The following GPD2 variants were observed in gnomAD, a reference collection of about 807,000 sequenced individuals.
GPD2 encodes glycerol-3-phosphate dehydrogenase, mitochondrial.
Under a neutral mutation model 82.4 loss-of-function variants are expected in GPD2, and 54 were observed. The observed-to-expected ratio is 0.66, with a 90% CI of 0.53 to 0.82. The LOEUF (loss-of-function observed/expected upper bound fraction) is 0.82. Among genes scored for constraint, GPD2 ranks in the 40% least tolerant of loss-of-function variants. The probability of loss-of-function intolerance (pLI) is 0.00; values close to 1 mark genes in which losing one functional copy is unlikely to be tolerated. For synonymous variants in GPD2, 288 were observed against 306.1 expected (o/e 0.94, Z 0.62); for missense variants, 748 against 896.2 (o/e 0.83, Z 2.11).
rs527959822 is a variant in GPD2 at position 156,539,441 on chromosome 2, A to G, written c.662-10167A>G. Among the ~76,000 whole-genome samples, 184 of 152,274 alleles carry G rather than the reference A, an allele frequency of 1.2e-3. 2 individuals carry two copies. The highest frequency in any genetic ancestry group is 5.0e-3 in the Admixed American group (76 of 15,298). The stretch of plus-strand genomic sequence containing the variant: ...AGCCTGCTTTTCATGTAAATGCCCT[A>G]GTACACATTCCTTTCAGACAATCAG... On this transcript the variant is annotated intron_variant, in intron 6 of 16. Coordinates refer to ENST00000438166, the MANE Select transcript of GPD2 (RefSeq NM_000408.5).
At chr2:156,467,640 C>A (rs298258) in intron 1 of GPD2, among the ~76,000 whole-genome samples, 48,370 of 152,060 alleles carry the variant, frequency 0.32, 9,188 homozygotes, top group Non-Finnish European at 0.44. Flanking sequence ...TTGATACATT[C>A]ACTTCTTTCC....
chr2:156,580,901 T>C (rs1224002451), intron 16 of GPD2, among the ~76,000 whole-genome samples: 1 of 152,152 alleles, frequency 6.6e-6, no homozygotes, highest in Non-Finnish European at 1.5e-5. Flanking sequence ...TTTAATGCAT[T>C]TTTTGTGTAG....
chr2:156,409,557 AGGCATGGTGGTGCATGCC>A, the GPD2 span, among the ~76,000 whole-genome samples: 1 of 151,788 alleles, frequency 6.6e-6, no homozygotes, highest in African/African-American at 2.4e-5. Flanking sequence ...AAAATTAGCC[AGGCATGGTGGTGCATGCC>A]TGTAGTCCTA....
At chr2:156,517,161 A>G (rs1407557950) in intron 6 of GPD2, among the ~76,000 whole-genome samples, 2 of 152,074 alleles carry the variant, frequency 1.3e-5, no homozygotes, top group East Asian at 1.9e-4. Context: ...TATTTTTTGT[A>G]GAGACAGGCT....
At chr2:156,435,906 C>G (rs879696798), upstream of GPD2, 2 of 152,432 alleles carry the variant, frequency 1.3e-5, no homozygotes, top group African/African-American at 2.4e-5. Context: ...AATCGGACAC[C>G]GCCACCGTCT....
At chr2:156,535,070 T>C (rs909090290) in intron 6 of GPD2, among the ~76,000 whole-genome samples, 10 of 152,024 alleles carry the variant, frequency 6.6e-5, no homozygotes, top group Admixed American at 6.6e-4. Context: ...AGCAGTTGTG[T>C]AGAGCTTGAG....
At chr2:156,409,360 G>C in the GPD2 span, among the ~76,000 whole-genome samples, 1 of 152,118 alleles carries the variant, frequency 6.6e-6, no homozygotes, top group South Asian at 2.1e-4. Context: ...CTTAATATTA[G>C]TTCTTGACAA....
At chr2:156,569,042 G>A (rs1182363848) in intron 10 of GPD2, 83 bp downstream of exon 10, 9 of 1,220,674 alleles carry the variant, frequency 7.4e-6, no homozygotes, top group Middle Eastern at 5.3e-4. Context: ...TTGCCCAGGA[G>A]GGTCTTGAAC....
upstream of GPD2, among the ~76,000 whole-genome samples, chr2:156,435,035 A>T (rs1688385815): frequency 1.3e-5 from 2 of 152,070 alleles, no homozygotes; most frequent in Admixed American, 1.3e-4. Context: ...AATGTGTCCA[A>T]GGGTGAGAAT....
intron 6 of GPD2, among the ~76,000 whole-genome samples, chr2:156,529,282 G>T (rs1346353915): frequency 6.7e-6 from 1 of 150,326 alleles, no homozygotes; most frequent in Non-Finnish European, 1.5e-5. Context: ...TTTTGATGGG[G>T]TTGTTTGTTT....
chr2:156,518,060 C>A (rs112470884), intron 6 of GPD2, among the ~76,000 whole-genome samples: 3 of 152,144 alleles, frequency 2.0e-5, no homozygotes, highest in Admixed American at 6.5e-5. Flanking sequence ...ATTGCCTTTT[C>A]CTAATGTAAA....
the GPD2 span, among the ~76,000 whole-genome samples, chr2:156,413,348 G>A: frequency 2.0e-5 from 3 of 151,956 alleles, no homozygotes; most frequent in Non-Finnish European, 2.9e-5. Context: ...TTGGGAGGCC[G>A]AGGCAGGTGG....
the GPD2 span, among the ~76,000 whole-genome samples, chr2:156,413,474 C>T: frequency 1.3e-5 from 2 of 151,852 alleles, no homozygotes; most frequent in Non-Finnish European, 1.5e-5. Context: ...GTCCCAGCTA[C>T]GTGGGAGGCT....
intron 2 of GPD2, among the ~76,000 whole-genome samples, chr2:156,488,584 T>A (rs1428669140): frequency 6.6e-6 from 1 of 152,210 alleles, no homozygotes; most frequent in Non-Finnish European, 1.5e-5. Context: ...AGATCTTGTT[T>A]TTGGTCTCAC....
intron 9 of GPD2, among the ~76,000 whole-genome samples, chr2:156,565,165 C>T (rs532279960): frequency 1.7e-3 from 256 of 152,164 alleles, no homozygotes; most frequent in Non-Finnish European, 2.5e-3. Flanking sequence ...TAAAATTAGT[C>T]AGAGAGCTTC....
At chr2:156,523,489 A>T (rs969859865) in intron 6 of GPD2, among the ~76,000 whole-genome samples, 1 of 152,200 alleles carries the variant, frequency 6.6e-6, no homozygotes, top group African/African-American at 2.4e-5. Context: ...CAATTTTAGC[A>T]CTTATAAACT....
chr2:156,422,295 T>G, the GPD2 span, among the ~76,000 whole-genome samples: 1 of 152,204 alleles, frequency 6.6e-6, no homozygotes, highest in African/African-American at 2.4e-5. Context: ...ATTACCCATC[T>G]GATGTTAAAA....
At chr2:156,571,080 C>T (rs1687594480) in intron 12 of GPD2, 54 bp from the exon 13 acceptor site, 2 of 1,133,900 alleles carry the variant, frequency 1.8e-6, no homozygotes, top group Non-Finnish European at 2.7e-6. Context: ...AGCTTTATTT[C>T]TCATTTTCTA....
chr2:156,424,676 T>G, the GPD2 span, among the ~76,000 whole-genome samples: 1 of 152,244 alleles, frequency 6.6e-6, no homozygotes, highest in African/African-American at 2.4e-5. Flanking sequence ...TGTTCTTGTT[T>G]TATTGCCTTT....
Sources: gnomAD v4.1 joint callset for allele counts (sites outside exome capture counted in the v4.1 genomes callset) on GRCh38, gnomAD v4.1.1 for gene constraint, MANE v1.5 for transcripts, NCBI Gene and HGNC (gene_info 2026-07-23, HGNC 2026-07-21) for gene names.